The following VPS52 variants were observed in gnomAD, a reference collection of about 807,000 sequenced individuals.
VPS52 encodes the protein VPS52 subunit of GARP complex.
A neutral mutation model predicts 98.7 loss-of-function variants in VPS52; 56 were observed. The observed-to-expected ratio is 0.57, with a 90% CI of 0.46 to 0.71. VPS52 has a LOEUF of 0.71. VPS52 is among the 30% of genes least tolerant of loss of function. The probability of loss-of-function intolerance (pLI) is 0.00; values close to 1 mark genes in which losing one functional copy is unlikely to be tolerated. For missense variants in VPS52, 742 were observed against 925.9 expected (o/e 0.80, Z 2.58); for synonymous variants, 348 against 346.4 (o/e 1.00, Z -0.05).
rs781090501 is a variant in VPS52, at chr6:33,264,816, T to A, written c.1366A>T (p.Ile456Phe). 6.2e-7 allele frequency: 1 copy of A among 1,613,114 alleles called. No individual in the cohort carries two copies. The highest frequency in any genetic ancestry group is 8.5e-7 in the Non-Finnish European group (1 of 1,180,026). Residue 456 changes from isoleucine to phenylalanine, a missense_variant, in exon 13 of 20, where the codon ATT becomes TTT. Transcript: ENST00000445902. Reference protein sequence around the residue: ...CIHIVLRFRNIAAKRDVPALD... With the variant: ...CIHIVLRFRNFAAKRDVPALD... Reference sequence around the variant, plus strand: ...GCAGGAACATCCCTCTTTGCTGCAATGTTACGGAACCGGAGAACAATGTGG... The same window carrying A: ...GCAGGAACATCCCTCTTTGCTGCAAAGTTACGGAACCGGAGAACAATGTGG...
intron 5 of VPS52, 97 bp from the exon 6 acceptor site, chr6:33,269,286 C>G: frequency 1.3e-6 from 2 of 1,537,722 alleles, no homozygotes; most frequent in Non-Finnish European, 1.8e-6. Flanking sequence ...ATTTATCAGT[C>G]CTTGAGGGTG....
intron 17 of VPS52, 133 bp from the exon 18 acceptor site, chr6:33,252,104 T>C (rs1255185455): frequency 4.4e-5 from 31 of 697,758 alleles, no homozygotes; most frequent in Non-Finnish European, 7.0e-5. Flanking sequence ...AAATCCTCTA[T>C]GGAGAAAAAT....
Position 33,271,701 on chromosome 6 carries a change from T to A in VPS52, c.-26A>T, listed in dbSNP as rs1008261400. The A allele has an allele frequency of 4.4e-6, 7 of 1,594,250 alleles. No individual in the cohort carries two copies. In the African/African-American group the frequency reaches 6.7e-5, roughly 15 times the overall value. ...TCCCCGCAGCCTCACTTCCGGCAACTGTCAGTCCCGGCGAGTCCGTTCCCC... is the reference window on the plus strand; with the variant it reads ...TCCCCGCAGCCTCACTTCCGGCAACAGTCAGTCCCGGCGAGTCCGTTCCCC... On this transcript the variant is annotated 5_prime_UTR_variant, in exon 1 of 20. Transcript: ENST00000445902.
chr6:33,260,082 A>C (rs1411341761), intron 17 of VPS52, among the ~76,000 whole-genome samples: 1 of 152,250 alleles, frequency 6.6e-6, no homozygotes. Context: ...GTTTAATCAC[A>C]CAAGTCATAT....
In VPS52 at chr6:33,271,863, C is replaced by T. The variant is rs1765147012; in HGVS notation, c.-188G>A. On this transcript the variant is annotated 5_prime_UTR_variant, in exon 1 of 20. Coordinates refer to ENST00000445902, the MANE Select transcript of VPS52 (RefSeq NM_022553.6). ...CAACTGCAAATGGAAATATGGAAGT[C>T]TGAAACACAAACTAGCCCCGGAACC... 2 of 1,320,936 alleles carry T rather than the reference C, an allele frequency of 1.5e-6. No homozygotes were observed. The highest frequency in any genetic ancestry group is 2.0e-6 in the Non-Finnish European group (2 of 991,852). The allele number at this position is 1,320,936 out of a possible 1,614,324, so 81.8% of individuals were successfully genotyped here.
intron 1 of VPS52, chr6:33,271,093 G>T (rs1294957597): frequency 3.1e-6 from 1 of 322,904 alleles, no homozygotes; most frequent in Non-Finnish European, 5.8e-6. Context: ...ACACCTCTGG[G>T]GAACCCCAGG....
Position 33,263,255 on chromosome 6 carries a change from C to T in VPS52, c.1794+229G>A, listed in dbSNP as rs1467206426. Among the ~76,000 whole-genome samples the T allele has an allele frequency of 7.7e-5, 9 of 117,342 alleles. No homozygotes were observed. In the East Asian group the frequency reaches 2.3e-3, roughly 30 times the overall value. 77.0% of individuals were successfully genotyped at this position (117,342 alleles called of 152,430 possible). ...CTCCAGCCTGGGTGACAGAGTGACA[C>T]TTTGCCTCAAAAAAAAAAAAAAAAA... On this transcript the variant is annotated intron_variant, in intron 17 of 19. Coordinates refer to ENST00000445902, the MANE Select transcript of VPS52 (RefSeq NM_022553.6).
Position 33,267,693 on chromosome 6 carries a change from G to A in VPS52, c.980C>T (p.Thr327Ile). 1 of 1,612,986 alleles carries A rather than the reference G, an allele frequency of 6.2e-7. No homozygotes were observed. The highest frequency in any genetic ancestry group is 1.7e-5 in the Admixed American group (1 of 60,002). The part of the protein sequence containing the change: ...EKDDLMGVED[T>I]AKKGFFSKPS... ...CAGTACTAGGATATCTTTCTTTGCT[G>A]TATCTTCCACACCCATTAGATCATC... is the stretch of plus-strand genomic sequence containing the variant. Residue 327 changes from threonine (T) to isoleucine (I), a missense_variant, in exon 10 of 20, where the codon ACA (threonine) becomes ATA (isoleucine). By Grantham distance (89) the Thr-to-Ile change is moderately conservative. Transcript: ENST00000445902. This position sits in a 1 kb window ranked among gnomAD's most constrained non-coding sequence, Gnocchi z 4.2.
At chr6:33,263,406 C>A in intron 17 of VPS52, 78 bp downstream of exon 17, 2 of 1,384,818 alleles carry the variant, frequency 1.4e-6, no homozygotes, top group Non-Finnish European at 1.0e-6. Flanking sequence ...CACACACACA[C>A]ACACACACAG....
intron 11 of VPS52, 36 bp from the exon 12 acceptor site, chr6:33,266,748 G>T: frequency 1.3e-6 from 2 of 1,579,522 alleles, no homozygotes; most frequent in Non-Finnish European, 1.7e-6. Context: ...AAACAGAAGG[G>T]ATGGACCCCA....
At chr6:33,271,896 TTC>T (rs1765151086), upstream of VPS52, 1 of 1,130,500 alleles carries the variant, frequency 8.8e-7, no homozygotes, top group East Asian at 2.6e-5. Context: ...ACCTTCGCTG[TTC>T]TCTTACCTAT....
Position 33,250,731 on chromosome 6 carries a change from TG to T in VPS52, c.*109del. 1 of 1,461,590 alleles carries T rather than the reference TG, an allele frequency of 6.8e-7. No individual in the cohort carries two copies. 90.5% of individuals were successfully genotyped at this position (1,461,590 alleles called of 1,614,324 possible). A position where few individuals can be genotyped will look rare whatever the true frequency, so the allele number is the denominator to read the frequency against. On this transcript the variant is annotated 3_prime_UTR_variant, in exon 20 of 20. Transcript: ENST00000445902. ...AGGCAGGTAAGCCATGTCAAGGGCC[TG>T]GGAAGCAAGGGGAAAACTGGAAGGG...
rs1455565198 is a variant in VPS52 at position 33,268,261 on chromosome 6, TGA to T, written c.700-55_700-54del. On this transcript the variant is annotated intron_variant, in intron 7 of 19. Coordinates refer to ENST00000445902, the MANE Select transcript of VPS52 (RefSeq NM_022553.6). This position sits in a 1 kb window ranked among gnomAD's most constrained non-coding sequence, Gnocchi z 4.0. The stretch of plus-strand genomic sequence containing the variant: ...ATGAAGCTGCAACCCTTTTGCTGTA[TGA>T]GAGGAACTGGGGGAAGCAACAAATG... 1.3e-6 allele frequency: 2 copies of T among 1,569,248 alleles called. No homozygotes were observed. The highest frequency in any genetic ancestry group is 4.5e-5 in the East Asian group (2 of 44,666).
intron 17 of VPS52, 72 bp from the exon 18 acceptor site, chr6:33,252,043 T>A (rs1387040084): frequency 1.6e-6 from 2 of 1,241,228 alleles, no homozygotes; most frequent in East Asian, 4.7e-5. Context: ...GCATCATGAC[T>A]AATGTAGATC....
At chr6:33,262,040 CAAAAAAA>C (rs9257102) in intron 17 of VPS52, among the ~76,000 whole-genome samples, 156 of 15,384 alleles carry the variant, frequency 0.01, no homozygotes, top group Admixed American at 0.016. Flanking sequence ...AACTCCATCT[CAAAAAAA>C]AAAAAAAAAA....
In VPS52 at chr6:33,267,780, A is replaced by C. The variant is rs1298157994; in HGVS notation, c.934-41T>G. 6.2e-7 allele frequency: 1 copy of C among 1,612,810 alleles called. No individual in the cohort carries two copies. The highest frequency in any genetic ancestry group is 1.3e-5 in the African/African-American group (1 of 74,886). On this transcript the variant is annotated intron_variant, in intron 9 of 19. Coordinates refer to ENST00000445902, the MANE Select transcript of VPS52 (RefSeq NM_022553.6). The surrounding 1 kb of genome is among the most constrained non-coding windows in gnomAD (Gnocchi z 4.2). ...AGAGAACTGATAACCGTCTCTTCCCACAACACAATAAAATATTCCTTGCCC... is the reference window on the plus strand; with the variant it reads ...AGAGAACTGATAACCGTCTCTTCCCCCAACACAATAAAATATTCCTTGCCC...
chr6:33,267,714 T>G lies in VPS52; in HGVS notation c.959A>C (p.Asp320Ala). 1.2e-6 allele frequency: 2 copies of G among 1,612,918 alleles called. No individual in the cohort carries two copies. The highest frequency in any genetic ancestry group is 1.7e-6 in the Non-Finnish European group (2 of 1,180,006). Residue 320 changes from aspartate (D) to alanine (A), a missense_variant, in exon 10 of 20, where the codon GAT (aspartate) becomes GCT (alanine). Physicochemically the swap from Asp to Ala is moderately radical, Grantham distance 126. Coordinates refer to ENST00000445902, the MANE Select transcript of VPS52 (RefSeq NM_022553.6). This position sits in a 1 kb window ranked among gnomAD's most constrained non-coding sequence, Gnocchi z 4.2. The part of the protein sequence containing the change: ...VQYEEVAEKD[D>A]LMGVEDTAKK... Reference sequence around the variant, plus strand: ...TGCTGTATCTTCCACACCCATTAGATCATCTTTCTCAGCGACTTCCTCATA... The same window carrying G: ...TGCTGTATCTTCCACACCCATTAGAGCATCTTTCTCAGCGACTTCCTCATA...
At position 33,271,625 on chromosome 6, in the gene VPS52, C is replaced by T. The variant is rs778288411; in HGVS notation, c.51G>A (p.Arg17=). 2 of 1,612,094 alleles carry T rather than the reference C, an allele frequency of 1.2e-6. No individual in the cohort carries two copies. Among genetic ancestry groups the T allele is most frequent in the East Asian group, 2.2e-5 (1 of 44,800 alleles). ...MAAAARELVL[R]AGTSDMEEEE... is the part of the protein sequence containing the mutation. ...CCTCCTCCATATCTGAGGTCCCAGC[C>T]CGCAACACCAGTTCCCGGGCCGCAG... The change falls in exon 1 of 20, where the codon CGG becomes CGA. Residue 17 remains arginine, a synonymous_variant. Coordinates refer to ENST00000445902, the MANE Select transcript of VPS52 (RefSeq NM_022553.6).
At position 33,268,815 on chromosome 6, in the gene VPS52, C is replaced by G. The variant is rs1562574824; in HGVS notation, c.549-166G>C. 6.6e-6 allele frequency among the ~76,000 whole-genome samples: 1 copy of G among 152,242 alleles called. No individual in the cohort carries two copies. The highest frequency in any genetic ancestry group is 1.5e-5 in the Non-Finnish European group (1 of 68,036). ...AGTTTTCTATTCCTGGACCTCCCCA[C>G]TATACACCTGATCTTACATCATTCT... On this transcript the variant is annotated intron_variant, in intron 6 of 19. Coordinates refer to ENST00000445902, the MANE Select transcript of VPS52 (RefSeq NM_022553.6). The surrounding 1 kb of genome is among the most constrained non-coding windows in gnomAD (Gnocchi z 4.0).
Sources: allele counts gnomAD v4.1 joint callset (sites outside exome capture counted in the v4.1 genomes callset), GRCh38; gene constraint gnomAD v4.1.1; non-coding constraint Gnocchi (gnomAD v3.1); transcripts MANE v1.5; gene names NCBI Gene and HGNC (gene_info 2026-07-23, HGNC 2026-07-21).